CSMD1: variants seen among roughly 807,000 people sequenced by gnomAD.
The protein encoded by CSMD1 is CUB and sushi domain-containing protein 1.
A neutral mutation model predicts 417.5 loss-of-function variants in CSMD1; 213 were observed. The ratio of observed to expected loss-of-function variants is 0.51; its 90% CI spans 0.46 to 0.57. CSMD1 has a LOEUF of 0.57. CSMD1 is among the 20% of genes least tolerant of loss of function. CSMD1 has a pLI of 0.00. For synonymous variants in CSMD1, 2,862 were observed against 1,736.8 expected (o/e 1.65, Z -16.11); for missense variants, 6,923 against 4,529.7 (o/e 1.53, Z -15.17).
chr8:4,018,332 G>A (rs1054934036), intron 4 of CSMD1, among the ~76,000 whole-genome samples: 2 of 152,166 alleles, frequency 1.3e-5, no homozygotes, highest in Non-Finnish European at 2.9e-5. Flanking sequence ...GCTTAAATGT[G>A]TATTCATTTT....
intron 23 of CSMD1, among the ~76,000 whole-genome samples, chr8:3,329,696 G>A (rs547082213): frequency 6.6e-6 from 1 of 152,102 alleles, no homozygotes; most frequent in Non-Finnish European, 1.5e-5. Flanking sequence ...CCCAGCCCCG[G>A]GGCCGCATGG....
At chr8:4,766,479 T>C (rs1166042798) in intron 1 of CSMD1, among the ~76,000 whole-genome samples, 1 of 152,166 alleles carries the variant, frequency 6.6e-6, no homozygotes. Flanking sequence ...AGAAGAGAGC[T>C]GCAACCAGAA....
chr8:4,182,206 C>A (rs540375354), intron 3 of CSMD1, among the ~76,000 whole-genome samples: 25 of 152,190 alleles, frequency 1.6e-4, no homozygotes, highest in African/African-American at 6.0e-4. Flanking sequence ...GTGTTTCATT[C>A]TCAGTTTACT....
chr8:4,185,913 C>T (rs554927425), intron 3 of CSMD1, among the ~76,000 whole-genome samples: 16 of 152,122 alleles, frequency 1.1e-4, no homozygotes, highest in Non-Finnish European at 1.5e-4. Context: ...ACTGTTATTA[C>T]GTTGAGTTCA....
At chr8:3,592,658 A>T (rs978526534) in intron 8 of CSMD1, among the ~76,000 whole-genome samples, 1 of 149,540 alleles carries the variant, frequency 6.7e-6, no homozygotes. Context: ...GTGTGTGTTT[A>T]CGTGTGTGTG....
At chr8:3,471,610 C>A (rs778368382) in intron 11 of CSMD1, among the ~76,000 whole-genome samples, 1 of 139,184 alleles carries the variant, frequency 7.2e-6, no homozygotes, top group Non-Finnish European at 1.5e-5. Context: ...TTCTTCCTCT[C>A]TCCTTCCTTC....
At chr8:3,870,938 T>A (rs1805442698) in intron 5 of CSMD1, among the ~76,000 whole-genome samples, 1 of 152,080 alleles carries the variant, frequency 6.6e-6, no homozygotes, top group Non-Finnish European at 1.5e-5. Context: ...TTTTATGTAT[T>A]CATAAATGTA....
intron 5 of CSMD1, among the ~76,000 whole-genome samples, chr8:3,993,080 A>C (rs1009818419): frequency 6.6e-6 from 1 of 152,240 alleles, no homozygotes; most frequent in African/African-American, 2.4e-5. Flanking sequence ...GAGGAAATCA[A>C]ACAGAGTCTG....
intron 15 of CSMD1, among the ~76,000 whole-genome samples, chr8:3,405,470 T>C (rs1183861398): frequency 6.6e-6 from 1 of 152,174 alleles, no homozygotes; most frequent in Non-Finnish European, 1.5e-5. Context: ...TAGTTAACCA[T>C]AAGCAACACT....
chr8:4,313,370 C>T (rs10099054), intron 3 of CSMD1, among the ~76,000 whole-genome samples: 40,221 of 151,736 alleles, frequency 0.27, 6,067 homozygotes, highest in African/African-American at 0.42. Flanking sequence ...TGTCACTATG[C>T]GTGACACACA....
chr8:4,359,227 G>C (rs1175632705), intron 3 of CSMD1, among the ~76,000 whole-genome samples: 1 of 152,136 alleles, frequency 6.6e-6, no homozygotes, highest in African/African-American at 2.4e-5. Context: ...GTAGAGAGGG[G>C]TGTCCCTCCT....
At chr8:3,309,334 C>G (rs1006674139) in intron 23 of CSMD1, among the ~76,000 whole-genome samples, 1 of 132,110 alleles carries the variant, frequency 7.6e-6, no homozygotes, top group African/African-American at 2.7e-5. Flanking sequence ...GAAAAAAAAA[C>G]TGGCGCTCCT....
chr8:3,332,065 A>G (rs1326677614), intron 23 of CSMD1, among the ~76,000 whole-genome samples: 1 of 152,254 alleles, frequency 6.6e-6, no homozygotes, highest in African/African-American at 2.4e-5. Flanking sequence ...ATCAATCAAT[A>G]GATGATCAAT....
chr8:3,629,745 A>C (rs1796684225), intron 7 of CSMD1, among the ~76,000 whole-genome samples: 1 of 152,204 alleles, frequency 6.6e-6, no homozygotes, highest in South Asian at 2.1e-4. Flanking sequence ...ATATGCCAAA[A>C]GAAACACACA....
At chr8:4,687,800 T>C (rs1054593172) in intron 1 of CSMD1, among the ~76,000 whole-genome samples, 3 of 149,986 alleles carry the variant, frequency 2.0e-5, no homozygotes, top group African/African-American at 4.9e-5. Context: ...AGGGAATGCA[T>C]GCACAGACAG....
At chr8:3,675,754 C>G (rs117176346) in intron 7 of CSMD1, among the ~76,000 whole-genome samples, 1 of 152,076 alleles carries the variant, frequency 6.6e-6, no homozygotes, top group African/African-American at 2.4e-5. Flanking sequence ...AGTCTCAAAA[C>G]TGTGAGAAAT....
intron 3 of CSMD1, among the ~76,000 whole-genome samples, chr8:4,193,264 A>T (rs1799137713): frequency 6.6e-6 from 1 of 152,222 alleles, no homozygotes. Context: ...TTGTGAAAAT[A>T]CGTTGCATCA....
chr8:4,930,158 A>C (rs1175957862), intron 1 of CSMD1, among the ~76,000 whole-genome samples: 2 of 152,200 alleles, frequency 1.3e-5, no homozygotes, highest in East Asian at 3.9e-4. Flanking sequence ...TTCTAGATTC[A>C]TATCACATAA....
intron 3 of CSMD1, among the ~76,000 whole-genome samples, chr8:4,417,369 G>C (rs1168762840): frequency 6.6e-6 from 1 of 151,884 alleles, no homozygotes; most frequent in Non-Finnish European, 1.5e-5. Flanking sequence ...AGTTGAGTTT[G>C]GTGTCCGGAT....
Sources: gnomAD v4.1 joint callset for allele counts (sites outside exome capture counted in the v4.1 genomes callset) on GRCh38, gnomAD v4.1.1 for gene constraint, MANE v1.5 for transcripts, NCBI Gene and HGNC (gene_info 2026-07-23, HGNC 2026-07-21) for gene names.